The following PIGN variants were observed in gnomAD, a reference collection of about 807,000 sequenced individuals.
PIGN encodes phosphatidylinositol glycan anchor biosynthesis class N, also known as GPI ethanolamine phosphate transferase 1.
Under a neutral mutation model 125.4 loss-of-function variants are expected in PIGN, and 117 were observed. The ratio of observed to expected loss-of-function variants is 0.93; its 90% CI spans 0.80 to 1.09. The LOEUF (loss-of-function observed/expected upper bound fraction) is 1.09. Among genes scored for constraint, PIGN ranks in the 50% least tolerant of loss-of-function variants. PIGN has a pLI of 0.00. For synonymous variants in PIGN, 392 were observed against 377.8 expected (o/e 1.04, Z -0.44); for missense variants, 1,075 against 1,094.9 (o/e 0.98, Z 0.26).
intron 28 of PIGN, among the ~76,000 whole-genome samples, chr18:62,077,147 G>A (rs990762136): frequency 1.3e-5 from 2 of 152,200 alleles, no homozygotes; most frequent in African/African-American, 4.8e-5. Flanking sequence ...GGAGGCCGAG[G>A]TGGGTGAATT....
At chr18:62,146,156 G>A in intron 9 of PIGN, 131 bp from the exon 10 acceptor site, 1 of 413,452 alleles carries the variant, frequency 2.4e-6, no homozygotes, top group Admixed American at 4.3e-5. Context: ...ATTACCAAAT[G>A]GTTACAACCT....
chr18:62,048,009 T>C (rs902934616), intron 30 of PIGN, among the ~76,000 whole-genome samples: 24 of 151,736 alleles, frequency 1.6e-4, no homozygotes, highest in African/African-American at 5.1e-4. Context: ...AAAGAAGATG[T>C]AAATAAGAAG....
In PIGN at chr18:62,120,144, T is replaced by C. The variant is rs183925434; in HGVS notation, c.1173-5505A>G. ...CAAAATAAGTACAAAGAAAACCATG[T>C]ATATGGACAGGCAGTAAAACTGCTG... On this transcript the variant is annotated intron_variant, in intron 14 of 30. Transcript: ENST00000640252. Among the ~76,000 whole-genome samples the C allele has an allele frequency of 1.6e-3, 238 of 152,078 alleles. 1 individual carries two copies. The highest frequency in any genetic ancestry group is 5.4e-3 in the African/African-American group (222 of 41,476).
At chr18:62,065,596 G>A (rs1292001955) in intron 30 of PIGN, among the ~76,000 whole-genome samples, 6 of 152,098 alleles carry the variant, frequency 3.9e-5, no homozygotes, top group South Asian at 2.1e-4. Context: ...AAAATTAGCC[G>A]GGCGAGGTGG....
intron 22 of PIGN, 39 bp downstream of exon 22, chr18:62,101,036 G>C: frequency 1.0e-6 from 1 of 998,386 alleles, no homozygotes; most frequent in Non-Finnish European, 1.6e-6. Flanking sequence ...TAACTAAGTT[G>C]ATGTCAAATT....
In PIGN at chr18:62,107,046, G is replaced by C. The variant is rs1461542784; in HGVS notation, c.1614C>G (p.Thr538=). The change falls in exon 18 of 31, where the codon ACC becomes ACG. Residue 538 remains threonine, a synonymous_variant. Transcript: ENST00000640252. ...ACCCAACAAAATGGCTCAGAGGATA[G>C]GTCAACACTGATACAACAAGGTCCT... ...VIQDLVVSVL[T]YPLSHFVGYL... 3.8e-6 allele frequency: 6 copies of C among 1,589,192 alleles called. No homozygotes were observed. In the African/African-American group the frequency reaches 8.1e-5, roughly 21 times the overall value.
At chr18:62,064,565 A>C (rs1033264039) in intron 30 of PIGN, among the ~76,000 whole-genome samples, 1 of 152,250 alleles carries the variant, frequency 6.6e-6, no homozygotes. Flanking sequence ...ATTATTGTGC[A>C]ATCAGTCTTT....
chr18:62,071,744 T>C (rs2032859315), intron 30 of PIGN, among the ~76,000 whole-genome samples: 1 of 151,622 alleles, frequency 6.6e-6, no homozygotes, highest in East Asian at 1.9e-4. Flanking sequence ...CCTATAAAAG[T>C]CTGGCACACA....
rs77453021 is a variant in PIGN, at chr18:62,155,137, A to G, written c.443-486T>C. Among the ~76,000 whole-genome samples, 1,453 of 152,248 alleles carry G rather than the reference A, an allele frequency of 9.5e-3. 44 individuals carry two copies. Among genetic ancestry groups the G allele is most frequent in the East Asian group, 0.065 (339 of 5,176 alleles). ...ACTATGAGTATTTTTCTCAACTTCT[A>G]AGAGAATAAATATTGCTTATTGCCA... On this transcript the variant is annotated intron_variant, in intron 6 of 30. Coordinates refer to ENST00000640252, the MANE Select transcript of PIGN (RefSeq NM_176787.5).
chr18:62,119,581 C>T (rs189256843), intron 14 of PIGN, among the ~76,000 whole-genome samples: 69 of 152,000 alleles, frequency 4.5e-4, no homozygotes, highest in Non-Finnish European at 9.3e-4. Flanking sequence ...CGATGGCTCA[C>T]GCCTGTAATC....
intron 12 of PIGN, among the ~76,000 whole-genome samples, chr18:62,139,336 C>G (rs182620365): frequency 6.6e-6 from 1 of 152,300 alleles, no homozygotes; most frequent in Non-Finnish European, 1.5e-5. Context: ...TAACTACGTG[C>G]TAGGTAGTGA....
chr18:62,152,498 T>C (rs775062236), intron 7 of PIGN, among the ~76,000 whole-genome samples: 1 of 151,940 alleles, frequency 6.6e-6, no homozygotes, highest in African/African-American at 2.4e-5. Flanking sequence ...GTTGGGGGGT[T>C]GGGGGAGAGG....
intron 1 of PIGN, among the ~76,000 whole-genome samples, chr18:62,176,803 T>C (rs535395126): frequency 6.6e-6 from 1 of 152,242 alleles, no homozygotes; most frequent in African/African-American, 2.4e-5. Context: ...AACTAAGATC[T>C]GTAGTTAATA....
chr18:62,029,101 C>T (rs1174345178), intron 23 of PIGN, among the ~76,000 whole-genome samples: 1 of 152,202 alleles, frequency 6.6e-6, no homozygotes, highest in Non-Finnish European at 1.5e-5. Context: ...ATCTCTTTGT[C>T]TTCCTCCCAT....
rs753146941 is a variant in PIGN, at chr18:62,074,766, A to G, written c.2619+13T>C. ...TTAATCTAATTTATATGGACTACCCAGTAATGCCTTACCAAAGCCATAATG... is the reference window on the plus strand; with the variant it reads ...TTAATCTAATTTATATGGACTACCCGGTAATGCCTTACCAAAGCCATAATG... On this transcript the variant is annotated intron_variant, in intron 29 of 30. Transcript: ENST00000640252. 3 of 1,559,802 alleles carry G rather than the reference A, an allele frequency of 1.9e-6. No homozygotes were observed. Among genetic ancestry groups the G allele is most frequent in the Non-Finnish European group, 2.6e-6 (3 of 1,132,630 alleles).
At chr18:62,091,086 A>G (rs1368182687) in intron 23 of PIGN, among the ~76,000 whole-genome samples, 1 of 152,194 alleles carries the variant, frequency 6.6e-6, no homozygotes, top group Non-Finnish European at 1.5e-5. Flanking sequence ...GTGGTGGTTC[A>G]TGCCTGTAAT....
rs547911273 is a variant in PIGN, at chr18:62,043,908, A to G, written c.*1948T>C. ...TAGAATGAAAAAATAAATACCTTAAATAGAAATACTTTTTCCCTAACTCGT... is the reference window on the plus strand; with the variant it reads ...TAGAATGAAAAAATAAATACCTTAAGTAGAAATACTTTTTCCCTAACTCGT... On this transcript the variant is annotated 3_prime_UTR_variant, in exon 31 of 31. Coordinates refer to ENST00000640252, the MANE Select transcript of PIGN (RefSeq NM_176787.5). The G allele has an allele frequency of 5.3e-5, 8 of 152,364 alleles. No homozygotes were observed. Among genetic ancestry groups the G allele is most frequent in the African/African-American group, 1.9e-4 (8 of 41,598 alleles). The allele number at this position is 152,364 out of a possible 1,614,324, so 9.4% of individuals were successfully genotyped here.
At chr18:62,049,373 T>C (rs2031047714) in intron 30 of PIGN, among the ~76,000 whole-genome samples, 1 of 149,696 alleles carries the variant, frequency 6.7e-6, no homozygotes, top group Admixed American at 6.6e-5. Context: ...TGTTGTTTCC[T>C]GACTTTTTAA....
intron 11 of PIGN, among the ~76,000 whole-genome samples, chr18:62,142,078 G>A (rs540867317): frequency 8.5e-5 from 13 of 152,290 alleles, no homozygotes; most frequent in Admixed American, 3.9e-4. Context: ...AATCTCTGTT[G>A]CAGTACTTAC....
Sources: allele counts gnomAD v4.1 joint callset (sites outside exome capture counted in the v4.1 genomes callset), GRCh38; gene constraint gnomAD v4.1.1; transcripts MANE v1.5; gene names NCBI Gene and HGNC (gene_info 2026-07-23, HGNC 2026-07-21).